HORMAD2: variants seen among roughly 807,000 people sequenced by gnomAD.
HORMAD2 encodes HORMA domain-containing protein 2.
Under a neutral mutation model 38.8 loss-of-function variants are expected in HORMAD2, and 45 were observed. That is an observed-to-expected ratio of 1.16 (90% CI 0.91 to 1.49). The LOEUF (loss-of-function observed/expected upper bound fraction) is 1.49, where lower values mean the gene tolerates loss of function less well. Among genes scored for constraint, HORMAD2 ranks in the 40% most tolerant of loss-of-function variants. HORMAD2 has a pLI of 0.00. For synonymous variants in HORMAD2, 126 were observed against 122.8 expected (o/e 1.03, Z -0.17); for missense variants, 338 against 367.0 (o/e 0.92, Z 0.65).
At chr22:30,197,845 C>A in the HORMAD2 span, among the ~76,000 whole-genome samples, 1 of 152,174 alleles carries the variant, frequency 6.6e-6, no homozygotes, top group African/African-American at 2.4e-5. Context: ...ATTCCCATCA[C>A]CATTGCCTTC....
intron 5 of HORMAD2, among the ~76,000 whole-genome samples, chr22:30,110,778 G>A (rs772941932): frequency 3.9e-5 from 6 of 152,018 alleles, no homozygotes; most frequent in Non-Finnish European, 7.4e-5. Flanking sequence ...AGCTTCACAG[G>A]TCCACTTATA....
chr22:30,102,925 C>T (rs557815996), intron 3 of HORMAD2, among the ~76,000 whole-genome samples: 13 of 152,174 alleles, frequency 8.5e-5, no homozygotes, highest in Admixed American at 2.6e-4. Context: ...CCACCACACC[C>T]GGCCTAAACC....
the HORMAD2 span, among the ~76,000 whole-genome samples, chr22:30,191,326 T>A: frequency 6.6e-6 from 1 of 152,074 alleles, no homozygotes; most frequent in Non-Finnish European, 1.5e-5. Context: ...GTCATCAGCA[T>A]TTTTTGATAG....
chr22:30,082,538 C>T (rs917270752), intron 1 of HORMAD2, among the ~76,000 whole-genome samples: 1 of 151,814 alleles, frequency 6.6e-6, no homozygotes, highest in African/African-American at 2.4e-5. Context: ...TATGTGTAAT[C>T]CCAAAACTTT....
At chr22:30,196,616 G>C in the HORMAD2 span, among the ~76,000 whole-genome samples, 3 of 152,190 alleles carry the variant, frequency 2.0e-5, no homozygotes, top group Non-Finnish European at 4.4e-5. Context: ...AAACAGAGGG[G>C]CCAGGTCTGG....
At chr22:30,103,649 ATTTTTTTTTTTTTTTTTTTTT>A (rs71198524) in intron 4 of HORMAD2, 149 bp downstream of exon 4, 3 of 75,300 alleles carry the variant, frequency 4.0e-5, no homozygotes, top group African/African-American at 3.9e-4. Context: ...TCTGTTTTTG[ATTTTTTTTTTTTTTTTTTTTT>A]TTTTTTTTTT....
intron 1 of HORMAD2, among the ~76,000 whole-genome samples, chr22:30,091,344 A>G (rs1342004902): frequency 7.0e-6 from 1 of 142,374 alleles, no homozygotes; most frequent in African/African-American, 2.6e-5. Flanking sequence ...GGCTCACTGC[A>G]CTGCAGCCTT....
chr22:30,194,411 G>A, the HORMAD2 span, among the ~76,000 whole-genome samples: 1 of 152,208 alleles, frequency 6.6e-6, no homozygotes, highest in Non-Finnish European at 1.5e-5. Flanking sequence ...TGAAGAAGAG[G>A]AATGAAACTG....
At chr22:30,099,206 G>A (rs1920928064) in intron 3 of HORMAD2, among the ~76,000 whole-genome samples, 1 of 152,198 alleles carries the variant, frequency 6.6e-6, no homozygotes, top group African/African-American at 2.4e-5. Context: ...CCAGGTGACA[G>A]ATGGAAGAAA....
At chr22:30,199,193 G>A in the HORMAD2 span, among the ~76,000 whole-genome samples, 4 of 152,208 alleles carry the variant, frequency 2.6e-5, no homozygotes, top group East Asian at 1.9e-4. Flanking sequence ...CTCAGAGAAC[G>A]CAGCAAGTGG....
intron 10 of HORMAD2, among the ~76,000 whole-genome samples, chr22:30,151,366 A>G (rs1048285129): frequency 6.6e-6 from 1 of 152,198 alleles, no homozygotes; most frequent in Non-Finnish European, 1.5e-5. Flanking sequence ...ATTTATAAAA[A>G]CATAAATATG....
At chr22:30,138,735 A>C (rs1167705293) in intron 10 of HORMAD2, among the ~76,000 whole-genome samples, 4 of 152,186 alleles carry the variant, frequency 2.6e-5, no homozygotes, top group Non-Finnish European at 5.9e-5. Flanking sequence ...TGTGAACTGC[A>C]CAATAGCATG....
At chr22:30,123,137 T>C (rs966513752) in intron 10 of HORMAD2, among the ~76,000 whole-genome samples, 2 of 152,190 alleles carry the variant, frequency 1.3e-5, no homozygotes, top group Non-Finnish European at 2.9e-5. Context: ...TTAATTCAAT[T>C]AATGTAAATA....
At chr22:30,104,188 G>T (rs947726603) in intron 4 of HORMAD2, among the ~76,000 whole-genome samples, 1 of 151,910 alleles carries the variant, frequency 6.6e-6, no homozygotes, top group Non-Finnish European at 1.5e-5. Context: ...AAAAAAATTT[G>T]GTTCACTACC....
the HORMAD2 span, among the ~76,000 whole-genome samples, chr22:30,195,223 G>A: frequency 9.6e-3 from 1,428 of 148,658 alleles, 53 homozygotes; most frequent in East Asian, 0.13. Flanking sequence ...AAAACCAAGA[G>A]TAAACAACAT....
At chr22:30,160,277 T>C (rs960176920) in intron 10 of HORMAD2, among the ~76,000 whole-genome samples, 1 of 151,788 alleles carries the variant, frequency 6.6e-6, no homozygotes, top group Non-Finnish European at 1.5e-5. Flanking sequence ...TGGTTTTCTT[T>C]CATTTTCTTT....
At chr22:30,125,535 C>T (rs1315562900) in intron 10 of HORMAD2, among the ~76,000 whole-genome samples, 1 of 151,946 alleles carries the variant, frequency 6.6e-6, no homozygotes, top group Admixed American at 6.6e-5. Flanking sequence ...GCTCATCTTT[C>T]ACTTTCTTTA....
chr22:30,196,091 G>A, the HORMAD2 span, among the ~76,000 whole-genome samples: 1 of 152,180 alleles, frequency 6.6e-6, no homozygotes, highest in African/African-American at 2.4e-5. Context: ...GGCTTACTAA[G>A]CCACTACAGA....
At chr22:30,120,621 T>A (rs1403911093) in intron 8 of HORMAD2, among the ~76,000 whole-genome samples, 1 of 151,336 alleles carries the variant, frequency 6.6e-6, no homozygotes, top group Non-Finnish European at 1.5e-5. Flanking sequence ...TAGTCCAAAT[T>A]GTTCATTCAT....
Sources: allele counts gnomAD v4.1 joint callset (sites outside exome capture counted in the v4.1 genomes callset), GRCh38; gene constraint gnomAD v4.1.1; transcripts MANE v1.5; gene names NCBI Gene and HGNC (gene_info 2026-07-23, HGNC 2026-07-21).